RIPOR3: variants seen among roughly 807,000 people sequenced by gnomAD.
RIPOR3 encodes family with sequence similarity 65 member C.
RIPOR3 carries 95 observed loss-of-function variants against 114.3 expected under a neutral mutation model. That is an observed-to-expected ratio of 0.83 (90% CI 0.70 to 0.99). The LOEUF (loss-of-function observed/expected upper bound fraction) is 0.99, where lower values mean the gene tolerates loss of function less well. Ranked by LOEUF, RIPOR3 falls within the 50% of genes least tolerant of loss-of-function variation. The pLI is 0.00. For synonymous variants in RIPOR3, 575 were observed against 543.8 expected, an observed-to-expected ratio of 1.06 and a Z score of -0.80; for missense variants, 1,252 against 1,266.9, an observed-to-expected ratio of 0.99 and a Z score of 0.18.
intron 1 of RIPOR3, among the ~76,000 whole-genome samples, chr20:50,669,829 G>C (rs1186820113): frequency 1.3e-5 from 2 of 151,842 alleles, no homozygotes; most frequent in African/African-American, 4.8e-5. Flanking sequence ...GGCTCAGGTA[G>C]GGGTCAGATG....
chr20:50,669,415 T>G (rs1372737501), intron 1 of RIPOR3, among the ~76,000 whole-genome samples: 1 of 152,214 alleles, frequency 6.6e-6, no homozygotes, highest in East Asian at 1.9e-4. Context: ...GCTTTCCTCT[T>G]TGGCCTTTCT....
intron 17 of RIPOR3, 34 bp from the exon 18 acceptor site, chr20:50,593,230 G>T: frequency 6.3e-7 from 1 of 1,598,954 alleles, no homozygotes; most frequent in South Asian, 1.1e-5. Context: ...AGGAGAAACT[G>T]AGACCTCGAC....
intron 13 of RIPOR3, among the ~76,000 whole-genome samples, chr20:50,600,273 C>A (rs1260545807): frequency 6.6e-6 from 1 of 152,144 alleles, no homozygotes; most frequent in Non-Finnish European, 1.5e-5. Flanking sequence ...CCAAAAACCA[C>A]GGTCTGTAAT....
chr20:50,667,836 G>A (rs1307177517), intron 1 of RIPOR3, among the ~76,000 whole-genome samples: 1 of 152,208 alleles, frequency 6.6e-6, no homozygotes, highest in African/African-American at 2.4e-5. Flanking sequence ...TGGGACACGT[G>A]CTTGCTTTGT....
intron 1 of RIPOR3, among the ~76,000 whole-genome samples, chr20:50,673,075 G>T (rs2086574665): frequency 6.6e-6 from 1 of 152,212 alleles, no homozygotes; most frequent in South Asian, 2.1e-4. Flanking sequence ...GGCAGGTCCA[G>T]GAGAAGGCTC....
intron 11 of RIPOR3, among the ~76,000 whole-genome samples, chr20:50,607,715 G>A (rs766136246): frequency 1.3e-5 from 2 of 152,148 alleles, no homozygotes; most frequent in Admixed American, 6.6e-5. Flanking sequence ...AGCTCACGAG[G>A]GAGAGGGCAG....
At chr20:50,640,249 G>A (rs1245531662) in intron 1 of RIPOR3, among the ~76,000 whole-genome samples, 1 of 151,984 alleles carries the variant, frequency 6.6e-6, no homozygotes, top group African/African-American at 2.4e-5. Flanking sequence ...ACCAGCCTAG[G>A]ATGTGCACAA....
chr20:50,639,795 C>T (rs550500525), intron 1 of RIPOR3, among the ~76,000 whole-genome samples: 18 of 152,198 alleles, frequency 1.2e-4, no homozygotes, highest in Admixed American at 4.6e-4. Context: ...CTAAGGGACA[C>T]GCAGAGTGGG....
chr20:50,624,420 A>G (rs2084543080), intron 2 of RIPOR3, among the ~76,000 whole-genome samples: 1 of 152,170 alleles, frequency 6.6e-6, no homozygotes, highest in African/African-American at 2.4e-5. Flanking sequence ...CCGTTGGCCC[A>G]GCCCCGCTTC....
intron 1 of RIPOR3, chr20:50,660,439 A>G (rs1157670813): frequency 2.0e-5 from 3 of 152,192 alleles, no homozygotes; most frequent in Non-Finnish European, 2.9e-5. Context: ...ATAGCTTTAT[A>G]ATAACCCACT....
chr20:50,588,043 C>T, intron 20 of RIPOR3, 151 bp from the exon 21 acceptor site: 1 of 690,516 alleles, frequency 1.4e-6, no homozygotes, highest in Non-Finnish European at 2.4e-6. Flanking sequence ...TTTAGGTGGC[C>T]TCAGGTTCAT....
chr20:50,642,761 A>G (rs1173421727), intron 1 of RIPOR3, among the ~76,000 whole-genome samples: 3 of 151,882 alleles, frequency 2.0e-5, no homozygotes, highest in Non-Finnish European at 2.9e-5. Context: ...AAAAAAATCC[A>G]TCAGAGGCCA....
rs576298288 is a variant in RIPOR3, at chr20:50,586,224, C to T, written c.*1008G>A. The T allele has an allele frequency of 7.8e-5, 12 of 154,736 alleles. No individual in the cohort carries two copies. The South Asian group carries it at 2.3e-3, about 30-fold the overall frequency. 9.6% of individuals were successfully genotyped at this position (154,736 alleles called of 1,614,324 possible). ...AACACAAAATATGTCCAGGAAGTAT[C>T]GATGAGAATGTTCAAGTTAAAGTTC... is the stretch of plus-strand genomic sequence containing the variant. On this transcript the variant is annotated 3_prime_UTR_variant, in exon 22 of 22. Transcript: ENST00000327979.
At chr20:50,652,796 G>T (rs997609871) in intron 1 of RIPOR3, among the ~76,000 whole-genome samples, 3 of 152,168 alleles carry the variant, frequency 2.0e-5, no homozygotes, top group African/African-American at 7.2e-5. Flanking sequence ...CACAGCAAGC[G>T]CTGGAGAGGA....
At chr20:50,662,952 A>G (rs1379177856) in intron 1 of RIPOR3, among the ~76,000 whole-genome samples, 2 of 152,052 alleles carry the variant, frequency 1.3e-5, no homozygotes, top group African/African-American at 2.4e-5. Context: ...AAAATTAGCC[A>G]GATTGTCATA....
At chr20:50,609,464 G>A (rs951817149) in intron 7 of RIPOR3, 108 bp from the exon 8 acceptor site, 22 of 1,489,420 alleles carry the variant, frequency 1.5e-5, no homozygotes, top group Non-Finnish European at 2.0e-5. Context: ...ACGCCTCCTT[G>A]GGGCCCAGAA....
At chr20:50,664,918 A>C (rs1236970650) in intron 1 of RIPOR3, among the ~76,000 whole-genome samples, 1 of 152,098 alleles carries the variant, frequency 6.6e-6, no homozygotes, top group South Asian at 2.1e-4. Flanking sequence ...CCTGGCCAAC[A>C]TGGCAAAAAC....
At chr20:50,614,706 C>T (rs2084099308) in intron 4 of RIPOR3, 1 of 170,086 alleles carries the variant, frequency 5.9e-6, no homozygotes, top group African/African-American at 2.4e-5. Flanking sequence ...TAAGTATGTC[C>T]CAAAGATTAC....
chr20:50,609,210 A>G lies in RIPOR3; in HGVS notation c.640+83T>C. 4 of 1,524,730 alleles carry G rather than the reference A, an allele frequency of 2.6e-6. No homozygotes were observed. In the South Asian group the frequency reaches 4.8e-5, roughly 18 times the overall value. The allele number at this position is 1,524,730 out of a possible 1,614,324, so 94.5% of individuals were successfully genotyped here. A position where few individuals can be genotyped will look rare whatever the true frequency, so the allele number is the denominator to read the frequency against. ...CCAGGGCTGGGCTCAGACCCCTGGG[A>G]TTCTGGCCAATTCCCGTGCCCCTCA... On this transcript the variant is annotated intron_variant, in intron 8 of 21. Transcript: ENST00000327979.
Sources: allele counts gnomAD v4.1 joint callset (sites outside exome capture counted in the v4.1 genomes callset), GRCh38; gene constraint gnomAD v4.1.1; transcripts MANE v1.5; gene names NCBI Gene and HGNC (gene_info 2026-07-23, HGNC 2026-07-21).